POLN: variants seen among roughly 807,000 people sequenced by gnomAD.
POLN encodes the protein DNA polymerase N.
A neutral mutation model predicts 113.5 loss-of-function variants in POLN; 108 were observed. The ratio of observed to expected loss-of-function variants is 0.95; its 90% confidence interval spans 0.81 to 1.12. The LOEUF is 1.12. POLN is among the 50% of genes most tolerant of loss of function. POLN has a pLI of 0.00. For synonymous variants in POLN, 386 were observed against 391.5 expected (o/e 0.99, Z 0.17); for missense variants, 1,097 against 1,077.1 (o/e 1.02, Z -0.26).
rs574573109 is a variant in POLN, at chr4:2,073,347, C to T, written c.2456-318G>A. On this transcript the variant is annotated intron_variant, in intron 24 of 25. Transcript: ENST00000511885. ...ACTGCACTGGCCCTCACCCCTACCC[C>T]TCCGGCTCAGCTCACCCCAGCTGGG... Among the ~76,000 whole-genome samples, 31 of 152,346 alleles carry T rather than the reference C, an allele frequency of 2.0e-4. No individual in the cohort carries two copies. In the East Asian group the frequency reaches 4.6e-3, roughly 23 times the overall value.
chr4:2,155,368 G>A (rs1732397913), intron 16 of POLN, among the ~76,000 whole-genome samples: 1 of 152,236 alleles, frequency 6.6e-6, no homozygotes, highest in Non-Finnish European at 1.5e-5. Flanking sequence ...GCCAGAGACA[G>A]CTGGCAGCCC....
At chr4:2,095,994 C>G in intron 19 of POLN, 61 bp from the exon 20 acceptor site, 2 of 1,382,500 alleles carry the variant, frequency 1.4e-6, no homozygotes, top group Non-Finnish European at 2.1e-6. Context: ...GCAGGGCAGA[C>G]AGTCCAACCA....
At chr4:2,180,880 A>T (rs1733122807) in intron 7 of POLN, among the ~76,000 whole-genome samples, 1 of 152,218 alleles carries the variant, frequency 6.6e-6, no homozygotes. Context: ...ACAAAATAAG[A>T]TTTAAAACAA....
chr4:2,122,253 C>A (rs1561011081), intron 19 of POLN, among the ~76,000 whole-genome samples: 1 of 152,316 alleles, frequency 6.6e-6, no homozygotes, highest in East Asian at 1.9e-4. Context: ...TCTTCTAAGA[C>A]TTCCCATACC....
chr4:2,121,910 C>T (rs537380566), intron 19 of POLN, among the ~76,000 whole-genome samples: 1 of 151,846 alleles, frequency 6.6e-6, no homozygotes, highest in Admixed American at 6.6e-5. Context: ...TTTCAAGTTT[C>T]TTGAGATAGA....
At chr4:2,105,438 C>T (rs1731041740) in intron 19 of POLN, among the ~76,000 whole-genome samples, 1 of 152,146 alleles carries the variant, frequency 6.6e-6, no homozygotes, top group Admixed American at 6.5e-5. Context: ...ACATCTGTTT[C>T]TCTCTGCTCC....
intron 16 of POLN, among the ~76,000 whole-genome samples, chr4:2,133,808 T>A (rs1032160567): frequency 6.6e-6 from 1 of 152,200 alleles, no homozygotes; most frequent in Non-Finnish European, 1.5e-5. Context: ...TAGATGGACA[T>A]GTCACATTCT....
intron 25 of POLN, 105 bp from the exon 26 acceptor site, chr4:2,072,404 C>T: frequency 1.1e-6 from 1 of 930,728 alleles, no homozygotes; most frequent in Non-Finnish European, 1.6e-6. Flanking sequence ...CAGGTGCACA[C>T]ATCCAGATAC....
rs182807144 is a variant in POLN, at chr4:2,236,630, G to A, written c.-13+4890C>T. On this transcript the variant is annotated intron_variant, in intron 2 of 25. Transcript: ENST00000511885. ...TCCTAGCACTTTGGGAGGCCAAGGC[G>A]GGCAGATTGCCTGAGCTCAGGAGTT... 2.5e-3 allele frequency among the ~76,000 whole-genome samples: 374 copies of A among 152,032 alleles called. 1 individual carries two copies. Among genetic ancestry groups the A allele is most frequent in the South Asian group, 4.8e-3 (23 of 4,814 alleles).
At chr4:2,193,165 A>G in intron 7 of POLN, 39 bp downstream of exon 7, 1 of 1,440,808 alleles carries the variant, frequency 6.9e-7, no homozygotes, top group Non-Finnish European at 9.6e-7. Flanking sequence ...GTCACAGTTG[A>G]AGAGTTAAAT....
At chr4:2,156,539 G>A (rs746456334) in intron 16 of POLN, 1 of 530,378 alleles carries the variant, frequency 1.9e-6, no homozygotes, top group East Asian at 3.5e-5. Flanking sequence ...CTTTTTGCCT[G>A]CACACTGGAG....
Position 2,179,340 on chromosome 4 carries a change from TG to T in POLN, c.1146del (p.Asn382LysfsTer12), listed in dbSNP as rs767740490. On this transcript the variant is annotated frameshift_variant, in exon 8 of 26. Transcript: ENST00000511885. LOFTEE classifies it high-confidence loss of function. ...YCEKSITVKV[N>X]STYGNSSRNI... ...TTTCTTGAGGAATTTCCATATGTGC[TG>T]TTCACTTTAACTGTAATGGATTTTT... is the stretch of plus-strand genomic sequence containing the variant. The T allele has an allele frequency of 1.9e-6, 3 of 1,613,166 alleles. No individual in the cohort carries two copies. The African/African-American group carries it at 4.0e-5, about 22-fold the overall frequency.
Position 2,173,988 on chromosome 4 carries a change from T to C in POLN, c.1341A>G (p.Lys447=). 2 of 1,614,204 alleles carry C rather than the reference T, an allele frequency of 1.2e-6. No homozygotes were observed. Among genetic ancestry groups the C allele is most frequent in the Non-Finnish European group, 1.7e-6 (2 of 1,180,028 alleles). ...GTGCTGACGTCTTCTCCATCTCCTC[T>C]TTGTTCACCTGAATGGCATGGCTTT... is the stretch of plus-strand genomic sequence containing the variant. ...VMESHAIQVN[K]EEMEKTSALL... is the part of the protein sequence containing the mutation. The change falls in exon 11 of 26, where the codon AAA becomes AAG. Residue 447 remains lysine, a synonymous_variant. Coordinates refer to ENST00000511885, the MANE Select transcript of POLN (RefSeq NM_181808.4).
At chr4:2,145,976 C>T (rs1732128164) in intron 16 of POLN, among the ~76,000 whole-genome samples, 1 of 151,530 alleles carries the variant, frequency 6.6e-6, no homozygotes, top group Non-Finnish European at 1.5e-5. Flanking sequence ...ATCTCAAAAA[C>T]ATAATGTTGA....
At chr4:2,117,117 C>T (rs1206534756) in intron 19 of POLN, among the ~76,000 whole-genome samples, 4 of 152,108 alleles carry the variant, frequency 2.6e-5, no homozygotes, top group East Asian at 1.9e-4. Flanking sequence ...TTCTGTGATT[C>T]GGGATTGTGG....
rs549992849 is a variant in POLN, at chr4:2,133,729, A to T, written c.1732-2439T>A. ...AAGACTCCATTTGTTTCAGGTCAGC[A>T]TCTCTTTTCTCCCCCTGCCCCCCAA... On this transcript the variant is annotated intron_variant, in intron 16 of 25. Coordinates refer to ENST00000511885, the MANE Select transcript of POLN (RefSeq NM_181808.4). 4.9e-4 allele frequency among the ~76,000 whole-genome samples: 75 copies of T among 152,214 alleles called. 1 individual carries two copies. Among genetic ancestry groups the T allele is most frequent in the African/African-American group, 1.7e-3 (69 of 41,526 alleles).
At chr4:2,144,033 T>C (rs1179083993) in intron 16 of POLN, among the ~76,000 whole-genome samples, 1 of 152,010 alleles carries the variant, frequency 6.6e-6, no homozygotes, top group African/African-American at 2.4e-5. Context: ...CAAAATATCA[T>C]ATATTTTAAA....
At chr4:2,086,924 C>G (rs554763614) in intron 20 of POLN, among the ~76,000 whole-genome samples, 2 of 152,318 alleles carry the variant, frequency 1.3e-5, no homozygotes, top group East Asian at 3.9e-4. Flanking sequence ...AGGGAAGAAC[C>G]CTCTGGAGGA....
intron 19 of POLN, among the ~76,000 whole-genome samples, chr4:2,096,530 C>G (rs760177593): frequency 7.9e-5 from 12 of 152,102 alleles, no homozygotes; most frequent in Middle Eastern, 3.2e-3. Flanking sequence ...CCAGCACCAC[C>G]AAGAGTCCCT....
Sources: allele counts gnomAD v4.1 joint callset (sites outside exome capture counted in the v4.1 genomes callset), GRCh38; gene constraint gnomAD v4.1.1; transcripts MANE v1.5; gene names NCBI Gene and HGNC (gene_info 2026-07-23, HGNC 2026-07-21).